PTPRD: variants seen among roughly 807,000 people sequenced by gnomAD.
The protein encoded by PTPRD is protein tyrosine phosphatase receptor type D.
A neutral mutation model predicts 214.5 loss-of-function variants in PTPRD; 34 were observed. The ratio of observed to expected loss-of-function variants is 0.16; its 90% CI spans 0.12 to 0.21. The LOEUF (loss-of-function observed/expected upper bound fraction) is 0.21, where lower values mean the gene tolerates loss of function less well. Ranked by LOEUF, PTPRD falls within the 10% of genes least tolerant of loss-of-function variation. The probability of loss-of-function intolerance (pLI) is 1.00; values close to 1 mark genes in which losing one functional copy is unlikely to be tolerated. For synonymous variants in PTPRD, 1,128 were observed against 845.7 expected (o/e 1.33, Z -5.79); for missense variants, 2,545 against 2,398.7 (o/e 1.06, Z -1.27).
chr9:10,536,690 A>G (rs2057874415), intron 2 of PTPRD, among the ~76,000 whole-genome samples: 2 of 152,082 alleles, frequency 1.3e-5, no homozygotes, highest in Non-Finnish European at 2.9e-5. Context: ...TTAACACAGA[A>G]TGCATTGCTT....
At chr9:9,578,209 A>G (rs1228622467) in intron 7 of PTPRD, among the ~76,000 whole-genome samples, 1 of 152,148 alleles carries the variant, frequency 6.6e-6, no homozygotes, top group Non-Finnish European at 1.5e-5. Context: ...TAAACTTACC[A>G]TGCTGAATAA....
At chr9:9,097,413 T>C (rs537265226) in intron 10 of PTPRD, among the ~76,000 whole-genome samples, 22 of 151,260 alleles carry the variant, frequency 1.5e-4, no homozygotes, top group African/African-American at 5.4e-4. Flanking sequence ...TTTTTTTTTT[T>C]TTCTTTTTCT....
chr9:9,548,029 C>A (rs937806519), intron 8 of PTPRD, among the ~76,000 whole-genome samples: 1 of 151,970 alleles, frequency 6.6e-6, no homozygotes, highest in African/African-American at 2.4e-5. Flanking sequence ...AAGAAAAACA[C>A]TGCTGTCCAA....
intron 39 of PTPRD, among the ~76,000 whole-genome samples, chr9:8,372,665 A>G (rs1413346015): frequency 6.6e-6 from 1 of 152,000 alleles, no homozygotes; most frequent in Non-Finnish European, 1.5e-5. Context: ...TCTTTCTTTT[A>G]GAAATCTGGT....
chr9:9,169,090 T>G (rs1353965868), intron 10 of PTPRD, among the ~76,000 whole-genome samples: 1 of 152,058 alleles, frequency 6.6e-6, no homozygotes, highest in Non-Finnish European at 1.5e-5. Context: ...TTGCATAAAT[T>G]TATATTAGCC....
At chr9:9,625,523 G>C (rs1311770225) in intron 7 of PTPRD, among the ~76,000 whole-genome samples, 1 of 151,778 alleles carries the variant, frequency 6.6e-6, no homozygotes, top group Non-Finnish European at 1.5e-5. Context: ...ATTACTGTGA[G>C]GTGATTTCCT....
At chr9:10,061,084 G>T (rs1457933182) in intron 3 of PTPRD, among the ~76,000 whole-genome samples, 1 of 151,140 alleles carries the variant, frequency 6.6e-6, no homozygotes, top group African/African-American at 2.4e-5. Flanking sequence ...GTCACATTTT[G>T]GGGTCAGGTA....
chr9:9,494,459 C>G (rs762667720), intron 8 of PTPRD, among the ~76,000 whole-genome samples: 4 of 152,120 alleles, frequency 2.6e-5, no homozygotes, highest in Non-Finnish European at 4.4e-5. Flanking sequence ...CTCGAGTAAC[C>G]ACCAAGCTGA....
chr9:8,401,049 T>G (rs924972601), intron 36 of PTPRD, among the ~76,000 whole-genome samples: 2 of 152,230 alleles, frequency 1.3e-5, no homozygotes, highest in Non-Finnish European at 2.9e-5. Flanking sequence ...CTGAACAACT[T>G]TGGATTCTAC....
intron 32 of PTPRD, among the ~76,000 whole-genome samples, chr9:8,461,692 A>G (rs2096408750): frequency 6.6e-6 from 1 of 151,550 alleles, no homozygotes; most frequent in Non-Finnish European, 1.5e-5. Context: ...GCCTTCTTTA[A>G]AACTTTTATC....
At chr9:9,963,250 C>A (rs1027614466) in intron 4 of PTPRD, among the ~76,000 whole-genome samples, 1 of 152,050 alleles carries the variant, frequency 6.6e-6, no homozygotes, top group African/African-American at 2.4e-5. Flanking sequence ...TTACTTGACT[C>A]CATTAAACAC....
At chr9:9,916,786 C>T (rs1453185778) in intron 5 of PTPRD, among the ~76,000 whole-genome samples, 1 of 151,974 alleles carries the variant, frequency 6.6e-6, no homozygotes, top group Non-Finnish European at 1.5e-5. Flanking sequence ...ACATTCTGCA[C>T]ATCAGCACAT....
intron 8 of PTPRD, among the ~76,000 whole-genome samples, chr9:9,398,498 C>A (rs904546873): frequency 1.3e-5 from 2 of 151,860 alleles, no homozygotes; most frequent in African/African-American, 4.8e-5. Context: ...TTTTGTCAAT[C>A]ATTCTTTAAG....
intron 2 of PTPRD, among the ~76,000 whole-genome samples, chr9:10,387,521 G>A (rs1247656566): frequency 6.6e-6 from 1 of 151,802 alleles, no homozygotes; most frequent in East Asian, 2.0e-4. Context: ...TTCTGGCAAT[G>A]GACCTGGCCT....
chr9:8,988,770 T>C (rs1567430869), intron 11 of PTPRD, among the ~76,000 whole-genome samples: 1 of 152,098 alleles, frequency 6.6e-6, no homozygotes, highest in Non-Finnish European at 1.5e-5. Context: ...TTTTCATTTG[T>C]CTGTGTTGTG....
chr9:10,519,775 C>T (rs2051533809), intron 2 of PTPRD, among the ~76,000 whole-genome samples: 1 of 151,962 alleles, frequency 6.6e-6, no homozygotes, highest in Non-Finnish European at 1.5e-5. Context: ...ATCAGAGAAT[C>T]TTTGATGTTA....
At chr9:10,271,415 T>G (rs1435564733) in intron 3 of PTPRD, among the ~76,000 whole-genome samples, 1 of 152,004 alleles carries the variant, frequency 6.6e-6, no homozygotes, top group African/African-American at 2.4e-5. Context: ...AAGAATCTAA[T>G]GGTTCAAAGA....
intron 10 of PTPRD, among the ~76,000 whole-genome samples, chr9:9,090,573 G>A (rs1378426617): frequency 6.6e-6 from 1 of 152,242 alleles, no homozygotes; most frequent in Non-Finnish European, 1.5e-5. Flanking sequence ...TAGGTCTTCA[G>A]TGGCCATTAT....
At chr9:8,520,695 T>A (rs1273523859) in intron 20 of PTPRD, among the ~76,000 whole-genome samples, 2 of 152,160 alleles carry the variant, frequency 1.3e-5, no homozygotes, top group African/African-American at 4.8e-5. Context: ...TTATATTTAG[T>A]CTGTTTTTTA....
Sources: allele counts gnomAD v4.1 joint callset (sites outside exome capture counted in the v4.1 genomes callset), GRCh38; gene constraint gnomAD v4.1.1; transcripts MANE v1.5; gene names NCBI Gene and HGNC (gene_info 2026-07-23, HGNC 2026-07-21).